The following SRBD1 variants were observed in gnomAD, a reference collection of about 807,000 sequenced individuals.
The protein encoded by SRBD1 is S1 RNA binding domain 1.
SRBD1 carries 88 observed loss-of-function variants against 115.3 expected under a neutral mutation model. The ratio of observed to expected loss-of-function variants is 0.76; its 90% CI spans 0.64 to 0.91. SRBD1 has a LOEUF of 0.91. SRBD1 is among the 40% of genes least tolerant of loss of function. The pLI, the probability that SRBD1 is intolerant of heterozygous loss-of-function variation, is 0.00. For synonymous variants in SRBD1, 509 were observed against 407.7 expected, an observed-to-expected ratio of 1.25 and a Z score of -2.99; for missense variants, 1,385 against 1,177.4, an observed-to-expected ratio of 1.18 and a Z score of -2.58.
chr2:45,431,614 C>A (rs1284244390), intron 16 of SRBD1, among the ~76,000 whole-genome samples: 3 of 152,046 alleles, frequency 2.0e-5, no homozygotes, highest in African/African-American at 2.4e-5. Flanking sequence ...ATCACACACA[C>A]TGGGGCCTGT....
At chr2:45,414,930 C>G in intron 18 of SRBD1, among the ~76,000 whole-genome samples, 1 of 130,378 alleles carries the variant, frequency 7.7e-6, no homozygotes, top group Non-Finnish European at 1.6e-5. Flanking sequence ...TATGTACACA[C>G]ACAGTGTTAT....
rs187592426 is a variant in SRBD1, at chr2:45,539,679, T to C, written c.1874+7053A>G. Among the ~76,000 whole-genome samples the C allele has an allele frequency of 5.3e-5, 8 of 152,318 alleles. No homozygotes were observed. The East Asian group carries it at 1.5e-3, about 29-fold the overall frequency. ...CAGAAAAAAACTCAAGCCGAGAATTTAATTTAAGTGATCCCAAACTGGTAG... is the reference window on the plus strand; with the variant it reads ...CAGAAAAAAACTCAAGCCGAGAATTCAATTTAAGTGATCCCAAACTGGTAG... On this transcript the variant is annotated intron_variant, in intron 14 of 20. Coordinates refer to ENST00000263736, the MANE Select transcript of SRBD1 (RefSeq NM_018079.5).
intron 15 of SRBD1, among the ~76,000 whole-genome samples, chr2:45,487,012 G>A (rs1205012246): frequency 3.9e-5 from 6 of 152,114 alleles, no homozygotes; most frequent in Non-Finnish European, 7.4e-5. Context: ...CTAAGAAGCA[G>A]CTTCCCAGGA....
chr2:45,516,343 T>C (rs568499498), intron 14 of SRBD1, among the ~76,000 whole-genome samples: 11 of 152,320 alleles, frequency 7.2e-5, no homozygotes, highest in African/African-American at 2.2e-4. Flanking sequence ...ATGGTACCCC[T>C]GCCCCCACAA....
chr2:45,589,713 C>T (rs1673655120), intron 4 of SRBD1, among the ~76,000 whole-genome samples: 1 of 152,178 alleles, frequency 6.6e-6, no homozygotes. Flanking sequence ...AACAAAACCA[C>T]ATACAAGCAG....
At chr2:45,445,866 A>G (rs1262104857) in intron 16 of SRBD1, among the ~76,000 whole-genome samples, 1 of 152,208 alleles carries the variant, frequency 6.6e-6, no homozygotes, top group Non-Finnish European at 1.5e-5. Context: ...TTTAAAAAGT[A>G]AAGGCCAGGG....
At chr2:45,422,255 T>C (rs1489447994) in intron 16 of SRBD1, among the ~76,000 whole-genome samples, 4 of 152,336 alleles carry the variant, frequency 2.6e-5, no homozygotes, top group East Asian at 1.9e-4. Flanking sequence ...CAGCAGATTA[T>C]TTTGGTTGCC....
At chr2:45,412,921 T>C (rs561596590) in intron 19 of SRBD1, among the ~76,000 whole-genome samples, 193 bp downstream of exon 19, 2 of 152,188 alleles carry the variant, frequency 1.3e-5, no homozygotes, top group Non-Finnish European at 2.9e-5. Flanking sequence ...TTGACAATGC[T>C]CCAGGAGTAA....
chr2:45,552,084 G>A (rs1198017352), intron 11 of SRBD1, among the ~76,000 whole-genome samples: 2 of 152,176 alleles, frequency 1.3e-5, no homozygotes, highest in Non-Finnish European at 2.9e-5. Context: ...TAGAACTGAT[G>A]ACAGAGATAG....
At chr2:45,392,734 G>C (rs1667037542) in intron 20 of SRBD1, among the ~76,000 whole-genome samples, 1 of 152,192 alleles carries the variant, frequency 6.6e-6, no homozygotes, top group South Asian at 2.1e-4. Flanking sequence ...CAGTGAACAA[G>C]GGGTCCAGGG....
intron 14 of SRBD1, among the ~76,000 whole-genome samples, chr2:45,524,110 A>G (rs572087743): frequency 6.6e-6 from 1 of 152,138 alleles, no homozygotes; most frequent in African/African-American, 2.4e-5. Context: ...GTATCTTTTC[A>G]TGATAGAAAT....
intron 1 of SRBD1, 24 bp downstream of exon 1, chr2:45,611,195 C>G (rs749613072): frequency 3.3e-5 from 5 of 152,248 alleles, no homozygotes; most frequent in African/African-American, 4.8e-5. Flanking sequence ...GCAAGACGAC[C>G]GCCAAGGCGC....
chr2:45,585,745 A>C lies in SRBD1; in HGVS notation c.678T>G (p.Pro226=), dbSNP rs751446083. 1.4e-5 allele frequency: 23 copies of C among 1,608,924 alleles called. No individual in the cohort carries two copies. The highest frequency in any genetic ancestry group is 2.0e-5 in the Non-Finnish European group (23 of 1,178,944). ...GACGAATGATGTTGGCACAAACCCA[A>C]GGTTCAATATTAGTTCTCTCAGATA... ...QVLSERTNIE[P]WVCANIIRLF... Residue 226 remains proline (P), a synonymous_variant, in exon 5 of 21, where the codon CCT becomes CCG. Transcript: ENST00000263736.
intron 14 of SRBD1, among the ~76,000 whole-genome samples, chr2:45,513,073 A>G (rs73927515): frequency 6.6e-6 from 1 of 152,050 alleles, no homozygotes; most frequent in South Asian, 2.1e-4. Flanking sequence ...CAAATGCTCT[A>G]CCCCTGAGCT....
chr2:45,403,001 G>T (rs2103835275), intron 19 of SRBD1, among the ~76,000 whole-genome samples: 1 of 152,216 alleles, frequency 6.6e-6, no homozygotes, highest in East Asian at 1.9e-4. Flanking sequence ...TTTACTTATG[G>T]TTTATGGTAC....
At chr2:45,503,563 T>C (rs1670703330) in intron 14 of SRBD1, among the ~76,000 whole-genome samples, 1 of 152,168 alleles carries the variant, frequency 6.6e-6, no homozygotes, top group South Asian at 2.1e-4. Context: ...TTAGAGCCAT[T>C]TAAAATAATT....
At chr2:45,552,072 T>C (rs796663261) in intron 11 of SRBD1, among the ~76,000 whole-genome samples, 7 of 152,074 alleles carry the variant, frequency 4.6e-5, no homozygotes, top group African/African-American at 1.7e-4. Context: ...TAACTGACAA[T>C]GTAGAACTGA....
chr2:45,492,730 C>A (rs572526174), intron 14 of SRBD1, among the ~76,000 whole-genome samples: 26 of 152,222 alleles, frequency 1.7e-4, no homozygotes, highest in African/African-American at 5.3e-4. Flanking sequence ...CAAGCCACTG[C>A]GCCCAGCCAA....
chr2:45,443,154 G>A (rs1411048202), intron 16 of SRBD1, among the ~76,000 whole-genome samples: 1 of 152,138 alleles, frequency 6.6e-6, no homozygotes, highest in African/African-American at 2.4e-5. Context: ...AAATTATGCT[G>A]TAGAAAATGG....
Sources: allele counts gnomAD v4.1 joint callset (sites outside exome capture counted in the v4.1 genomes callset), GRCh38; gene constraint gnomAD v4.1.1; transcripts MANE v1.5; gene names NCBI Gene and HGNC (gene_info 2026-07-23, HGNC 2026-07-21).